CLIC5: variants seen among roughly 807,000 people sequenced by gnomAD.
CLIC5 encodes CLIC family member 5.
In CLIC5, 20 loss-of-function variants were observed where a neutral mutation model predicts 24.7. That is an observed-to-expected ratio of 0.81 (90% CI 0.57 to 1.18). The LOEUF (loss-of-function observed/expected upper bound fraction) is 1.18. Among genes scored for constraint, CLIC5 ranks in the 50% most tolerant of loss-of-function variants. The pLI, the probability that CLIC5 is intolerant of heterozygous loss-of-function variation, is 0.00. For synonymous variants in CLIC5, 159 were observed against 135.6 expected (o/e 1.17, Z -1.20); for missense variants, 341 against 326.1 (o/e 1.05, Z -0.35).
chr6:46,090,443 G>A, the CLIC5 span, among the ~76,000 whole-genome samples: 1 of 147,836 alleles, frequency 6.8e-6, no homozygotes, highest in East Asian at 2.0e-4. Context: ...ATTTTGCTTT[G>A]AAGATAAAAT....
chr6:46,013,833 G>C (rs1766892230), intron 1 of CLIC5, among the ~76,000 whole-genome samples: 1 of 152,206 alleles, frequency 6.6e-6, no homozygotes, highest in South Asian at 2.1e-4. Flanking sequence ...ATCTGAGTAA[G>C]TCCTAGAATC....
At chr6:46,094,859 T>C in the CLIC5 span, among the ~76,000 whole-genome samples, 18 of 152,212 alleles carry the variant, frequency 1.2e-4, no homozygotes, top group African/African-American at 4.3e-4. Context: ...TCCCACATTT[T>C]CCCTCTGCAT....
At position 45,932,878 on chromosome 6, in the gene CLIC5, C is replaced by G. The variant is rs1258111986; in HGVS notation, c.406+8669G>C. 5 of 152,140 alleles carry G rather than the reference C, an allele frequency of 3.3e-5. No individual in the cohort carries two copies. The East Asian group carries it at 9.7e-4, about 29-fold the overall frequency. The allele number at this position is 152,140 out of a possible 1,614,324, so 9.4% of individuals were successfully genotyped here. On this transcript the variant is annotated intron_variant, in intron 4 of 5. Coordinates refer to ENST00000339561, the MANE Select transcript of CLIC5 (RefSeq NM_016929.5). Reference sequence around the variant, plus strand: ...GCCCCTGCTGCCTTATATGAGGGCTCTAGGAGATGAGGAAGGGAAATGAGA... The same window carrying G: ...GCCCCTGCTGCCTTATATGAGGGCTGTAGGAGATGAGGAAGGGAAATGAGA...
In CLIC5 at chr6:45,962,438, A is replaced by C. The variant is rs76056367; in HGVS notation, c.64-7194T>G. On this transcript the variant is annotated intron_variant, in intron 1 of 5. Coordinates refer to ENST00000339561, the MANE Select transcript of CLIC5 (RefSeq NM_016929.5). Reference sequence around the variant, plus strand: ...GAGGCCTACCCACACTATAAAGGGCAATCTGCTTTACTCAAAGTTCACCAA... The same window carrying C: ...GAGGCCTACCCACACTATAAAGGGCCATCTGCTTTACTCAAAGTTCACCAA... Among the ~76,000 whole-genome samples, 898 of 150,896 alleles carry C rather than the reference A, an allele frequency of 6.0e-3. 9 individuals are homozygous for C. Among genetic ancestry groups the C allele is most frequent in the African/African-American group, 0.021 (850 of 40,996 alleles).
In CLIC5 at chr6:45,981,274, TTC is replaced by T. The variant is rs559842406; in HGVS notation, c.64-26032_64-26031del. Reference sequence around the variant, plus strand: ...ATGAGCCACCGCACCTGGCCTCATTTTCTGTCTTATTGCTATTTCATTTTACA... The same window carrying T: ...ATGAGCCACCGCACCTGGCCTCATTTTGTCTTATTGCTATTTCATTTTACA... On this transcript the variant is annotated intron_variant, in intron 1 of 5. Transcript: ENST00000339561. 9.2e-5 allele frequency among the ~76,000 whole-genome samples: 14 copies of T among 152,038 alleles called. No individual in the cohort carries two copies. In the East Asian group the frequency reaches 2.7e-3, roughly 29 times the overall value.
At chr6:45,908,160 G>T (rs900949524) in intron 5 of CLIC5, among the ~76,000 whole-genome samples, 12 of 151,866 alleles carry the variant, frequency 7.9e-5, no homozygotes, top group Non-Finnish European at 7.4e-5. Flanking sequence ...TTTCTTTTTT[G>T]TTGTTGTTGT....
In CLIC5 at chr6:45,922,835, TAG is replaced by T. The variant is rs36124366; in HGVS notation, c.407-8428_407-8427del. 2.3e-3 allele frequency among the ~76,000 whole-genome samples: 332 copies of T among 143,792 alleles called. 2 individuals are homozygous for T. The highest frequency in any genetic ancestry group is 3.1e-3 in the Non-Finnish European group (201 of 65,206). 94.3% of individuals were successfully genotyped at this position (143,792 alleles called of 152,430 possible). On this transcript the variant is annotated intron_variant, in intron 4 of 5. Coordinates refer to ENST00000339561, the MANE Select transcript of CLIC5 (RefSeq NM_016929.5). ...AGAGAGAGAGAGAAAGAGAGAGAGA[TAG>T]AGAGAGAGAGAGAGAGAGAGACTGA...
At chr6:45,992,542 C>T (rs1765979374) in intron 1 of CLIC5, among the ~76,000 whole-genome samples, 1 of 152,146 alleles carries the variant, frequency 6.6e-6, no homozygotes, top group East Asian at 1.9e-4. Context: ...AATTCAATTC[C>T]CTGGGTAAAC....
chr6:46,027,872 T>G (rs1264904290), intron 1 of CLIC5, among the ~76,000 whole-genome samples: 1 of 152,252 alleles, frequency 6.6e-6, no homozygotes, highest in African/African-American at 2.4e-5. Flanking sequence ...AGTGATTTTA[T>G]GCTTTTTAAA....
intron 1 of CLIC5, among the ~76,000 whole-genome samples, chr6:46,078,809 G>T (rs950889003): frequency 6.6e-6 from 1 of 152,152 alleles, no homozygotes; most frequent in Non-Finnish European, 1.5e-5. Flanking sequence ...AGACAACAAA[G>T]GGCAAAATTA....
chr6:45,981,721 C>A (rs957880731), intron 1 of CLIC5, among the ~76,000 whole-genome samples: 1 of 152,090 alleles, frequency 6.6e-6, no homozygotes, highest in Non-Finnish European at 1.5e-5. Flanking sequence ...ATACAGGGGA[C>A]AGGCCAGGTG....
chr6:45,915,987 G>C (rs949118848), intron 4 of CLIC5, among the ~76,000 whole-genome samples: 1 of 152,122 alleles, frequency 6.6e-6, no homozygotes, highest in Non-Finnish European at 1.5e-5. Context: ...GATACAAGGC[G>C]GACACTGCCT....
In CLIC5 at chr6:45,898,635, T is replaced by G. The variant is rs1449427811; in HGVS notation, c.*4453A>C. On this transcript the variant is annotated 3_prime_UTR_variant, in exon 6 of 6. Transcript: ENST00000339561. ...TGTTATTCATCACCATAGTTAAAGG[T>G]CTCGAGAAAATCAAGTAACTATCAT... 2 of 152,586 alleles carry G rather than the reference T, an allele frequency of 1.3e-5. No individual in the cohort carries two copies. Among genetic ancestry groups the G allele is most frequent in the Non-Finnish European group, 2.9e-5 (2 of 68,034 alleles). The allele number at this position is 152,586 out of a possible 1,614,324, so 9.5% of individuals were successfully genotyped here. A position where few individuals can be genotyped will look rare whatever the true frequency, so the allele number is the denominator to read the frequency against.
At chr6:46,059,821 A>T (rs1762193752) in intron 1 of CLIC5, among the ~76,000 whole-genome samples, 1 of 148,354 alleles carries the variant, frequency 6.7e-6, no homozygotes, top group Non-Finnish European at 1.5e-5. Flanking sequence ...GAAGTATAAT[A>T]ATCACCCCTC....
intron 1 of CLIC5, among the ~76,000 whole-genome samples, chr6:46,040,731 G>A (rs1257708247): frequency 6.6e-6 from 1 of 152,034 alleles, no homozygotes; most frequent in African/African-American, 2.4e-5. Context: ...TGTGGTGCAG[G>A]GGGCAATGGT....
intron 1 of CLIC5, among the ~76,000 whole-genome samples, chr6:45,970,580 T>C (rs1274833245): frequency 2.6e-5 from 4 of 152,154 alleles, no homozygotes; most frequent in African/African-American, 9.7e-5. Flanking sequence ...CACACAATAG[T>C]CCAGGCCCTC....
chr6:46,016,313 A>G (rs1767008209), upstream of CLIC5, among the ~76,000 whole-genome samples: 4 of 152,106 alleles, frequency 2.6e-5, no homozygotes, highest in Admixed American at 2.6e-4. Context: ...TACCAGCCTT[A>G]CCCACTTGGA....
rs1015044617 is a variant in CLIC5 at position 45,948,816 on chromosome 6, A to G, written c.299+440T>C. On this transcript the variant is annotated intron_variant, in intron 3 of 5. Transcript: ENST00000339561. ...ACTCAGACCAGATTTGGTCAGGTTT[A>G]AGACCCTGGATGTTGTTTTAAGTCA... Among the ~76,000 whole-genome samples the G allele has an allele frequency of 1.3e-5, 2 of 152,058 alleles. 1 individual carries two copies. Among genetic ancestry groups the G allele is most frequent in the South Asian group, 4.1e-4 (2 of 4,824 alleles).
chr6:45,994,611 A>G (rs1443392499), intron 1 of CLIC5, among the ~76,000 whole-genome samples: 1 of 152,182 alleles, frequency 6.6e-6, no homozygotes, highest in Non-Finnish European at 1.5e-5. Context: ...CGGGACTTAA[A>G]GTAAAAAATA....
Sources: gnomAD v4.1 joint callset for allele counts (sites outside exome capture counted in the v4.1 genomes callset) on GRCh38, gnomAD v4.1.1 for gene constraint, MANE v1.5 for transcripts, NCBI Gene and HGNC (gene_info 2026-07-23, HGNC 2026-07-21) for gene names.